The following CDKN1A variants were observed in gnomAD, a reference collection of about 807,000 sequenced individuals.
The protein encoded by CDKN1A is cyclin-dependent kinase inhibitor 1.
In CDKN1A, 14 loss-of-function variants were observed where a neutral mutation model predicts 14.8. The ratio of observed to expected loss-of-function variants is 0.94; its 90% CI spans 0.62 to 1.48. CDKN1A has a LOEUF of 1.48. Among genes scored for constraint, CDKN1A ranks in the 40% most tolerant of loss-of-function variants. CDKN1A has a pLI of 0.00. For missense variants in CDKN1A, 203 were observed against 231.7 expected, an observed-to-expected ratio of 0.88 and a Z score of 0.80; for synonymous variants, 92 against 93.5, an observed-to-expected ratio of 0.98 and a Z score of 0.09.
rs998171288 is a variant in CDKN1A at position 36,685,855 on chromosome 6, C to T, written c.*55C>T. 2.7e-5 allele frequency: 39 copies of T among 1,445,576 alleles called. No individual in the cohort carries two copies. The highest frequency in any genetic ancestry group is 3.8e-5 in the Non-Finnish European group (39 of 1,027,554). The allele number at this position is 1,445,576 out of a possible 1,614,324, so 89.5% of individuals were successfully genotyped here. A position where few individuals can be genotyped will look rare whatever the true frequency, so the allele number is the denominator to read the frequency against. On this transcript the variant is annotated 3_prime_UTR_variant, in exon 3 of 3. Coordinates refer to ENST00000244741, the MANE Select transcript of CDKN1A (RefSeq NM_000389.5). Reference sequence around the variant, plus strand: ...AGCGCGAGGGCCTCAAAGGCCCGCTCTACATCTTCTGCCTTAGTCTCAGTT... The same window carrying T: ...AGCGCGAGGGCCTCAAAGGCCCGCTTTACATCTTCTGCCTTAGTCTCAGTT...
upstream of CDKN1A, among the ~76,000 whole-genome samples, chr6:36,676,840 T>C (rs192874397): frequency 2.6e-5 from 4 of 152,098 alleles, no homozygotes; most frequent in African/African-American, 4.8e-5. Flanking sequence ...TTAAGAAATA[T>C]TGAATGTCGT....
At chr6:36,683,972 TG>T in intron 1 of CDKN1A, 124 bp from the exon 2 acceptor site, 1 of 937,130 alleles carries the variant, frequency 1.1e-6, no homozygotes, top group Non-Finnish European at 1.7e-6. Context: ...GAAGACCAGC[TG>T]GAAGGAGTGA....
At chr6:36,680,996 C>T (rs1258429225) in intron 1 of CDKN1A, 3 of 152,298 alleles carry the variant, frequency 2.0e-5, no homozygotes, top group East Asian at 3.8e-4. Flanking sequence ...CTGCCTAGAT[C>T]CTAGTCCTGT....
intron 1 of CDKN1A, chr6:36,680,513 A>T (rs1183524663): frequency 6.7e-6 from 1 of 149,986 alleles, no homozygotes; most frequent in African/African-American, 2.5e-5. Context: ...TTGGCGGGCG[A>T]GCAGCGCCTT....
Position 36,684,614 on chromosome 6 carries a change from G to C in CDKN1A, c.445+68G>C, listed in dbSNP as rs1762140815. 1 of 1,468,154 alleles carries C rather than the reference G, an allele frequency of 6.8e-7. No individual in the cohort carries two copies. Among genetic ancestry groups the C allele is most frequent in the Admixed American group, 1.7e-5 (1 of 58,290 alleles). The allele number at this position is 1,468,154 out of a possible 1,614,324, so 90.9% of individuals were successfully genotyped here. A position where few individuals can be genotyped will look rare whatever the true frequency, so the allele number is the denominator to read the frequency against. ...TCTCAGAATCCATGGTCCAAGGGCT[G>C]ACCTGTCTGGTCCTGGTCCAGCATG... is the stretch of plus-strand genomic sequence containing the variant. On this transcript the variant is annotated intron_variant, in intron 2 of 2. Transcript: ENST00000244741. The surrounding 1 kb of genome is among the most constrained non-coding windows in gnomAD (Gnocchi z 6.0).
intron 1 of CDKN1A, chr6:36,680,340 G>GTGTGTGTGTGTGTGTCTGTC (rs1310329037): frequency 6.8e-6 from 1 of 148,126 alleles, no homozygotes; most frequent in Admixed American, 6.7e-5. Flanking sequence ...GTGTGTGTGT[G>GTGTGTGTGTGTGTGTCTGTC]TGTGTCTGTG....
intron 1 of CDKN1A, among the ~76,000 whole-genome samples, chr6:36,679,735 C>T (rs1448541426): frequency 3.9e-5 from 6 of 152,174 alleles, no homozygotes; most frequent in African/African-American, 9.7e-5. Flanking sequence ...CAAGGGTCTC[C>T]TCTACCTCTT....
Position 36,684,356 on chromosome 6 carries a change from C to T in CDKN1A, c.255C>T (p.Gly85=), listed in dbSNP as rs367848692. Reference sequence around the variant, plus strand: ...ACCTTCCCACGGGGCCCCGGCGAGGCCGGGATGAGTTGGGAGGAGGCAGGC... The same window carrying T: ...ACCTTCCCACGGGGCCCCGGCGAGGTCGGGATGAGTTGGGAGGAGGCAGGC... ...KLYLPTGPRR[G]RDELGGGRRP... is the part of the protein sequence containing the mutation. Residue 85 remains glycine (G), a synonymous_variant, in exon 2 of 3, where the codon GGC becomes GGT. Transcript: ENST00000244741. The surrounding 1 kb of genome is among the most constrained non-coding windows in gnomAD (Gnocchi z 6.0). 1 of 1,613,372 alleles carries T rather than the reference C, an allele frequency of 6.2e-7. No individual in the cohort carries two copies. The highest frequency in any genetic ancestry group is 8.5e-7 in the Non-Finnish European group (1 of 1,179,854).
chr6:36,681,388 T>C (rs1366367329), intron 1 of CDKN1A, among the ~76,000 whole-genome samples: 4 of 102,888 alleles, frequency 3.9e-5, no homozygotes, highest in African/African-American at 1.6e-4. Flanking sequence ...TTTCTTTCTT[T>C]CTTTCTTTCT....
intron 1 of CDKN1A, among the ~76,000 whole-genome samples, chr6:36,681,400 T>C (rs778613482): frequency 0.014 from 1,413 of 101,470 alleles, 121 homozygotes; most frequent in South Asian, 0.018. Flanking sequence ...TTTCTTTCTT[T>C]CTTTCTTCCT....
At chr6:36,681,782 G>T (rs991940618) in intron 1 of CDKN1A, among the ~76,000 whole-genome samples, 6 of 151,548 alleles carry the variant, frequency 4.0e-5, no homozygotes, top group African/African-American at 1.5e-4. Flanking sequence ...TTTTAGTAGA[G>T]ACGGGGTTTC....
upstream of CDKN1A, chr6:36,677,580 C>T (rs1233452777): frequency 2.7e-6 from 1 of 364,442 alleles, no homozygotes; most frequent in Non-Finnish European, 5.3e-6. Context: ...TCACTCATTT[C>T]TGTGTCTGTC....
In CDKN1A at chr6:36,686,184, C is replaced by T. The variant is rs1302198995; in HGVS notation, c.*384C>T. On this transcript the variant is annotated 3_prime_UTR_variant, in exon 3 of 3. Transcript: ENST00000244741. This position sits in a 1 kb window ranked among gnomAD's most constrained non-coding sequence, Gnocchi z 4.9. ...CTGGAGGGGTGTGGCTCCTTCCCATCGCTGTCACAGGCGGTTATGAAATTC... is the reference window on the plus strand; with the variant it reads ...CTGGAGGGGTGTGGCTCCTTCCCATTGCTGTCACAGGCGGTTATGAAATTC... 8.4e-6 allele frequency: 3 copies of T among 356,146 alleles called. No individual in the cohort carries two copies. Among genetic ancestry groups the T allele is most frequent in the South Asian group, 3.9e-5 (1 of 25,478 alleles). 22.1% of individuals were successfully genotyped at this position (356,146 alleles called of 1,614,324 possible). A position where few individuals can be genotyped will look rare whatever the true frequency, so the allele number is the denominator to read the frequency against.
chr6:36,681,334 T>TTCCTTCCTTCTTTCTTTC (rs780161958), intron 1 of CDKN1A, among the ~76,000 whole-genome samples: 2 of 86,058 alleles, frequency 2.3e-5, no homozygotes, highest in African/African-American at 8.7e-5. Flanking sequence ...CTTTCTTTCT[T>TTCCTTCCTTCTTTCTTTC]TTTCTTTCTT....
upstream of CDKN1A, among the ~76,000 whole-genome samples, chr6:36,677,141 AGTGGG>A (rs1283061515): frequency 4.6e-5 from 7 of 152,112 alleles, no homozygotes; most frequent in Non-Finnish European, 1.0e-4. Flanking sequence ...TGCAGACAGC[AGTGGG>A]GCTTAGAGTG....
In CDKN1A at chr6:36,681,297, T is replaced by C. The variant is rs182803611; in HGVS notation, c.-6+2499T>C. On this transcript the variant is annotated intron_variant, in intron 1 of 2. Coordinates refer to ENST00000244741, the MANE Select transcript of CDKN1A (RefSeq NM_000389.5). ...CTTTCTTTTTTTCTTTCTTTCTTTC[T>C]TTCTTTCTTTCTTTCTTTCTTTCTT... is the stretch of plus-strand genomic sequence containing the variant. Among the ~76,000 whole-genome samples the C allele has an allele frequency of 3.0e-4, 36 of 118,746 alleles. 1 individual carries two copies. The highest frequency in any genetic ancestry group is 9.4e-4 in the African/African-American group (30 of 31,836). The allele number at this position is 118,746 out of a possible 152,430, so 77.9% of individuals were successfully genotyped here.
chr6:36,677,750 C>A, upstream of CDKN1A: 1 of 622,392 alleles, frequency 1.6e-6, no homozygotes, highest in Non-Finnish European at 2.7e-6. Flanking sequence ...TCCTGTGTTC[C>A]AACTATAGTC....
chr6:36,681,648 A>G (rs893729001), intron 1 of CDKN1A, among the ~76,000 whole-genome samples: 1 of 131,502 alleles, frequency 7.6e-6, no homozygotes, highest in African/African-American at 2.9e-5. Context: ...GCTGGAGTGC[A>G]GTGGCGTGAT....
chr6:36,685,891 A>G lies in CDKN1A; in HGVS notation c.*91A>G. On this transcript the variant is annotated 3_prime_UTR_variant, in exon 3 of 3. Coordinates refer to ENST00000244741, the MANE Select transcript of CDKN1A (RefSeq NM_000389.5). ...GCCTTAGTCTCAGTTTGTGTGTCTT[A>G]ATTATTATTTGTGTTTTAATTTAAA... The G allele has an allele frequency of 8.1e-7, 1 of 1,238,474 alleles. No homozygotes were observed. Among genetic ancestry groups the G allele is most frequent in the Non-Finnish European group, 1.2e-6 (1 of 842,560 alleles). 76.7% of individuals were successfully genotyped at this position (1,238,474 alleles called of 1,614,324 possible). A position where few individuals can be genotyped will look rare whatever the true frequency, so the allele number is the denominator to read the frequency against.
Sources: gnomAD v4.1 joint callset for allele counts (sites outside exome capture counted in the v4.1 genomes callset) on GRCh38, gnomAD v4.1.1 for gene constraint, Gnocchi (gnomAD v3.1) non-coding constraint, MANE v1.5 for transcripts, NCBI Gene and HGNC (gene_info 2026-07-23, HGNC 2026-07-21) for gene names.